Variants in EPCAM observed in about 807,000 individuals in gnomAD.
EPCAM encodes adenocarcinoma-associated antigen.
In EPCAM, 39 loss-of-function variants were observed where a neutral mutation model predicts 40.0. The observed-to-expected ratio is 0.98, with a 90% CI of 0.76 to 1.27. The LOEUF (loss-of-function observed/expected upper bound fraction) is 1.27, where lower values mean the gene tolerates loss of function less well. Among genes scored for constraint, EPCAM ranks in the 50% most tolerant of loss-of-function variants. The pLI is 0.00. For synonymous variants in EPCAM, 168 were observed against 132.3 expected (o/e 1.27, Z -1.85); for missense variants, 503 against 381.2 (o/e 1.32, Z -2.66).
chr2:47,383,889 G>A (rs960060621), intron 7 of EPCAM, among the ~76,000 whole-genome samples: 1 of 151,294 alleles, frequency 6.6e-6, no homozygotes, highest in Non-Finnish European at 1.5e-5. Context: ...TGCTCACTTC[G>A]GCCTCCCAAA....
At position 47,369,468 on chromosome 2, in the gene EPCAM, G is replaced by C. The variant is rs1306875884; in HGVS notation, c.-38G>C. 6.9e-7 allele frequency: 1 copy of C among 1,456,476 alleles called. No homozygotes were observed. Among genetic ancestry groups the C allele is most frequent in the Non-Finnish European group, 9.0e-7 (1 of 1,115,416 alleles). The allele number at this position is 1,456,476 out of a possible 1,614,324, so 90.2% of individuals were successfully genotyped here. A position where few individuals can be genotyped will look rare whatever the true frequency, so the allele number is the denominator to read the frequency against. On this transcript the variant is annotated 5_prime_UTR_variant, in exon 1 of 9. Transcript: ENST00000263735. ...GGCGCACGCCCTCCCGCGAGTCCCG[G>C]GCCCCTCCCGCGCCCCTCTTCTCGG...
In EPCAM at chr2:47,385,486, G is replaced by C. The variant is rs145905150; in HGVS notation, c.903+276G>C. On this transcript the variant is annotated intron_variant, in intron 8 of 8. Transcript: ENST00000263735. ...GAGTCAACATCTAACAGAATCTTCTGAAGGCATACTCCAGTGGATTCACCT... is the reference window on the plus strand; with the variant it reads ...GAGTCAACATCTAACAGAATCTTCTCAAGGCATACTCCAGTGGATTCACCT... Among the ~76,000 whole-genome samples, 3 of 152,322 alleles carry C rather than the reference G, an allele frequency of 2.0e-5. No individual in the cohort carries two copies. In the East Asian group the frequency reaches 5.8e-4, roughly 29 times the overall value.
intron 1 of EPCAM, among the ~76,000 whole-genome samples, chr2:47,371,303 C>T (rs1199021946): frequency 6.6e-6 from 1 of 152,068 alleles, no homozygotes; most frequent in East Asian, 1.9e-4. Flanking sequence ...GTCTGTCGTT[C>T]AGCCTGGAGT....
chr2:47,374,737 G>A (rs550016065), intron 3 of EPCAM, among the ~76,000 whole-genome samples: 33 of 151,698 alleles, frequency 2.2e-4, no homozygotes, highest in Admixed American at 7.9e-4. Flanking sequence ...TCTGCCTCCC[G>A]GGTTCAAGCA....
In EPCAM at chr2:47,373,567, A is replaced by G. The variant is rs759286085; in HGVS notation, c.181A>G (p.Lys61Glu). The change falls in exon 2 of 9, where the codon AAG (lysine) becomes GAG (glutamate). Residue 61 changes from lysine (K) to glutamate (E), a missense_variant. Physicochemically the swap from Lys to Glu is moderately conservative, Grantham distance 56. Coordinates refer to ENST00000263735, the MANE Select transcript of EPCAM (RefSeq NM_002354.3). ...TGCACAAAATACTGTCATTTGCTCA[A>G]AGCGTGAGTAAAATATCCTAATTAC... ...VGAQNTVICS[K>E]LAAKCLVMKA... The G allele has an allele frequency of 6.2e-7, 1 of 1,601,470 alleles. No individual in the cohort carries two copies. Among genetic ancestry groups the G allele is most frequent in the South Asian group, 1.1e-5 (1 of 90,842 alleles).
rs1335993129 is a variant in EPCAM at position 47,378,934 on chromosome 2, A to T, written c.556-19A>T. On this transcript the variant is annotated intron_variant, in intron 5 of 8. Coordinates refer to ENST00000263735, the MANE Select transcript of EPCAM (RefSeq NM_002354.3). ...GATTATATTAGTATTAATTTGTATTATTCAATTTTTTTCCCCAGTATGAGA... is the reference window on the plus strand; with the variant it reads ...GATTATATTAGTATTAATTTGTATTTTTCAATTTTTTTCCCCAGTATGAGA... The T allele has an allele frequency of 9.8e-7, 1 of 1,016,230 alleles. No individual in the cohort carries two copies. The highest frequency in any genetic ancestry group is 1.7e-5 in the Admixed American group (1 of 59,204). The allele number at this position is 1,016,230 out of a possible 1,614,324, so 63.0% of individuals were successfully genotyped here. A position where few individuals can be genotyped will look rare whatever the true frequency, so the allele number is the denominator to read the frequency against.
At chr2:47,381,902 G>A (rs988234554) in intron 7 of EPCAM, among the ~76,000 whole-genome samples, 1 of 152,046 alleles carries the variant, frequency 6.6e-6, no homozygotes, top group African/African-American at 2.4e-5. Flanking sequence ...AAGTAGCAAG[G>A]ACTACAGGTA....
In EPCAM at chr2:47,379,780, A is replaced by G. The variant is rs766571766; in HGVS notation, c.669A>G (p.Glu223=). The change falls in exon 7 of 9, where the codon GAA becomes GAG. Residue 223 remains glutamate (E), a synonymous_variant. Coordinates refer to ENST00000263735, the MANE Select transcript of EPCAM (RefSeq NM_002354.3). Reference sequence around the variant, plus strand: ...CCTTTTCAATACAGGTTAAAGGTGAATCCTTGTTTCATTCTAAGAAAATGG... The same window carrying G: ...CCTTTTCAATACAGGTTAAAGGTGAGTCCTTGTTTCATTCTAAGAAAATGG... ...AYYFEKDVKG[E]SLFHSKKMDL... The G allele has an allele frequency of 6.2e-7, 1 of 1,613,292 alleles. No homozygotes were observed. Among genetic ancestry groups the G allele is most frequent in the South Asian group, 1.1e-5 (1 of 91,048 alleles).
At chr2:47,385,880 A>T (rs898326537) in intron 8 of EPCAM, among the ~76,000 whole-genome samples, 3 of 152,192 alleles carry the variant, frequency 2.0e-5, no homozygotes, top group African/African-American at 7.2e-5. Flanking sequence ...CATCTGGTTT[A>T]TTTGGTTTGG....
chr2:47,375,286 A>G lies in EPCAM; in HGVS notation c.478A>G (p.Lys160Glu), dbSNP rs1327013232. The change falls in exon 4 of 9, where the codon AAA becomes GAA. Residue 160 changes from lysine (K) to glutamate (E), a missense_variant. Lys to Glu is a moderately conservative substitution (Grantham distance 56). Coordinates refer to ENST00000263735, the MANE Select transcript of EPCAM (RefSeq NM_002354.3). ...AGCAAGAGAAAAACCTTATGATAGT[A>G]AAAGTTTGCGGACGTAAGTGCAATT... is the stretch of plus-strand genomic sequence containing the variant. ...HKAREKPYDS[K>E]SLRTALQKEI... is the part of the protein sequence containing the mutation. The G allele has an allele frequency of 2.5e-6, 4 of 1,611,318 alleles. No homozygotes were observed. Among genetic ancestry groups the G allele is most frequent in the Non-Finnish European group, 3.4e-6 (4 of 1,177,626 alleles).
intron 1 of EPCAM, 43 bp from the exon 2 acceptor site, chr2:47,373,420 A>G: frequency 8.1e-7 from 1 of 1,237,606 alleles, no homozygotes; most frequent in Admixed American, 1.8e-5. Context: ...ATGAGAGTTA[A>G]TAGATCCACA....
At chr2:47,380,435 C>G (rs1671556829) in intron 7 of EPCAM, among the ~76,000 whole-genome samples, 1 of 152,190 alleles carries the variant, frequency 6.6e-6, no homozygotes, top group South Asian at 2.1e-4. Context: ...TATCTCTGGT[C>G]TCTTTTTACA....
chr2:47,385,538 C>T (rs1174299052), intron 8 of EPCAM, among the ~76,000 whole-genome samples: 1 of 152,170 alleles, frequency 6.6e-6, no homozygotes, highest in African/African-American at 2.4e-5. Context: ...GACTGATGAT[C>T]TGATTTATTA....
chr2:47,373,102 G>A (rs773306309), intron 1 of EPCAM, among the ~76,000 whole-genome samples: 1 of 151,136 alleles, frequency 6.6e-6, no homozygotes, highest in Non-Finnish European at 1.5e-5. Flanking sequence ...CTACTTGGGA[G>A]GCTGAGACAG....
chr2:47,379,840 T>C lies in EPCAM; in HGVS notation c.729T>C (p.Asp243=), dbSNP rs864622420. ...LTVNGEQLDL[D]PGQTLIYYVD... is the part of the protein sequence containing the mutation. ...TAAATGGGGAACAACTGGATCTGGA[T>C]CCTGGTCAAACTTTAATTTATTATG... The change falls in exon 7 of 9, where the codon GAT becomes GAC. Residue 243 remains aspartate, a synonymous_variant. Coordinates refer to ENST00000263735, the MANE Select transcript of EPCAM (RefSeq NM_002354.3). 9 of 1,614,128 alleles carry C rather than the reference T, an allele frequency of 5.6e-6. No homozygotes were observed. The highest frequency in any genetic ancestry group is 7.6e-6 in the Non-Finnish European group (9 of 1,180,040).
chr2:47,374,825 A>T (rs548790901), intron 3 of EPCAM, among the ~76,000 whole-genome samples: 3 of 152,126 alleles, frequency 2.0e-5, no homozygotes, highest in African/African-American at 7.2e-5. Context: ...TTTAGTAGAG[A>T]TGGGGTTTCA....
intron 4 of EPCAM, among the ~76,000 whole-genome samples, chr2:47,376,334 G>T (rs374242663): frequency 1.3e-3 from 189 of 143,230 alleles, no homozygotes; most frequent in Non-Finnish European, 2.4e-3. Context: ...ACGGCTCACC[G>T]CAACCTCTGC....
rs1207367780 is a variant in EPCAM, at chr2:47,369,532, CG to C, written c.30del (p.Leu11PhefsTer26). On this transcript the variant is annotated frameshift_variant, in exon 1 of 9. Transcript: ENST00000263735. LOFTEE classifies it high-confidence loss of function. Reference sequence around the variant, plus strand: ...TGGCGCCCCCGCAGGTCCTCGCGTTCGGGCTTCTGCTTGCCGCGGCGACGGC... The same window carrying C: ...TGGCGCCCCCGCAGGTCCTCGCGTTCGGCTTCTGCTTGCCGCGGCGACGGC... MAPPQVLAF[G>X]LLLAAATATF... is the part of the protein sequence containing the mutation. 4.4e-6 allele frequency: 7 copies of C among 1,577,422 alleles called. No individual in the cohort carries two copies. Among genetic ancestry groups the C allele is most frequent in the Non-Finnish European group, 6.0e-6 (7 of 1,167,090 alleles).
chr2:47,373,159 T>A (rs1428106092), intron 1 of EPCAM, among the ~76,000 whole-genome samples: 3 of 143,870 alleles, frequency 2.1e-5, no homozygotes, highest in African/African-American at 7.7e-5. Flanking sequence ...AAACCAAGAT[T>A]GTGCCACTGC....
Sources: allele counts gnomAD v4.1 joint callset (sites outside exome capture counted in the v4.1 genomes callset), GRCh38; gene constraint gnomAD v4.1.1; transcripts MANE v1.5; gene names NCBI Gene and HGNC (gene_info 2026-07-23, HGNC 2026-07-21).